The following GAREM1 variants were observed in gnomAD, a reference collection of about 807,000 sequenced individuals.
The protein encoded by GAREM1 is GRB2 associated regulator of MAPK1 subtype 1, also known as GRB2-associated and regulator of MAPK protein 1.
GAREM1 carries 26 observed loss-of-function variants against 71.3 expected under a neutral mutation model. The ratio of observed to expected loss-of-function variants is 0.36; its 90% confidence interval spans 0.27 to 0.51. GAREM1 has a LOEUF of 0.51. Among genes scored for constraint, GAREM1 ranks in the 20% least tolerant of loss-of-function variants. The probability of loss-of-function intolerance (pLI) is 0.95; values close to 1 mark genes in which losing one functional copy is unlikely to be tolerated. For synonymous variants in GAREM1, 440 were observed against 433.2 expected (o/e 1.02, Z -0.20); for missense variants, 1,026 against 1,103.1 (o/e 0.93, Z 0.99).
chr18:32,469,611 G>T (rs1008078772), intron 1 of GAREM1, among the ~76,000 whole-genome samples: 2 of 152,210 alleles, frequency 1.3e-5, no homozygotes, highest in Non-Finnish European at 2.9e-5. Context: ...CTGGTGGTCA[G>T]TTTCAGGAAA....
chr18:32,374,883 C>T (rs2048017827), intron 2 of GAREM1, among the ~76,000 whole-genome samples: 1 of 152,112 alleles, frequency 6.6e-6, no homozygotes, highest in African/African-American at 2.4e-5. Context: ...ATCTTATATA[C>T]TGAAGTGCAG....
chr18:32,295,854 T>G (rs1165541589), intron 3 of GAREM1, among the ~76,000 whole-genome samples: 1 of 152,250 alleles, frequency 6.6e-6, no homozygotes, highest in Non-Finnish European at 1.5e-5. Context: ...TTTAACAAGA[T>G]CTCAACCTAA....
intron 1 of GAREM1, among the ~76,000 whole-genome samples, chr18:32,426,934 TAC>T (rs1310745616): frequency 6.6e-6 from 1 of 152,232 alleles, no homozygotes; most frequent in Non-Finnish European, 1.5e-5. Flanking sequence ...CTCCATATAA[TAC>T]ACTTTCCCTC....
chr18:32,268,220 T>A lies in GAREM1; in HGVS notation c.2282A>T (p.Asp761Val). The change falls in exon 6 of 6, where the codon GAT (aspartate) becomes GTT (valine). Residue 761 changes from aspartate (D) to valine (V), a missense_variant. Asp to Val is a radical substitution (Grantham distance 152, BLOSUM62 -3). This residue lies in a region of GAREM1 where 636 missense variants were observed against 631.2 expected (regional missense o/e 1.01). Transcript: ENST00000269209. Reference protein sequence around the residue: ...AEEDPKSGSPDLSEDQYFVKK... With the variant: ...AEEDPKSGSPVLSEDQYFVKK... ...AACAAAATACTGGTCCTCCGAGAGA[T>A]CTGGTGACCCAGACTTGGGGTCTTC... The A allele has an allele frequency of 6.2e-7, 1 of 1,613,938 alleles. No individual in the cohort carries two copies. Among genetic ancestry groups the A allele is most frequent in the Non-Finnish European group, 8.5e-7 (1 of 1,179,982 alleles).
chr18:32,457,875 G>A (rs1256834878), intron 1 of GAREM1, among the ~76,000 whole-genome samples: 3 of 152,026 alleles, frequency 2.0e-5, no homozygotes, highest in African/African-American at 7.2e-5. Flanking sequence ...ATCAACCCCT[G>A]GATCTATGTC....
intron 1 of GAREM1, among the ~76,000 whole-genome samples, chr18:32,419,709 T>C (rs1318974310): frequency 6.6e-6 from 1 of 152,160 alleles, no homozygotes; most frequent in Non-Finnish European, 1.5e-5. Context: ...CCCTTTGCCA[T>C]ACACATAATC....
chr18:32,370,944 C>T (rs569187979), intron 2 of GAREM1, among the ~76,000 whole-genome samples: 36 of 152,126 alleles, frequency 2.4e-4, no homozygotes, highest in Non-Finnish European at 4.4e-4. Flanking sequence ...GATCCTCTGA[C>T]AGGCACTAGA....
At chr18:32,356,841 G>T (rs751438570) in intron 2 of GAREM1, among the ~76,000 whole-genome samples, 160 of 152,256 alleles carry the variant, frequency 1.1e-3, no homozygotes, top group Non-Finnish European at 1.9e-3. Context: ...CCATCATTAT[G>T]ATGATATTTG....
intron 2 of GAREM1, among the ~76,000 whole-genome samples, chr18:32,315,864 C>A (rs567157768): frequency 6.8e-4 from 104 of 152,198 alleles, no homozygotes; most frequent in Middle Eastern, 6.8e-3. Flanking sequence ...GCCTTGTTTG[C>A]CATGATTGCT....
At chr18:32,342,360 C>T (rs925286744) in intron 2 of GAREM1, among the ~76,000 whole-genome samples, 2 of 152,188 alleles carry the variant, frequency 1.3e-5, no homozygotes, top group Non-Finnish European at 2.9e-5. Context: ...CACGCTGCTG[C>T]TGGACACTCA....
intron 1 of GAREM1, among the ~76,000 whole-genome samples, chr18:32,431,993 T>C (rs981152651): frequency 6.6e-6 from 1 of 152,134 alleles, no homozygotes; most frequent in Non-Finnish European, 1.5e-5. Context: ...GAAATAGACA[T>C]TCTCAGGTGA....
intron 1 of GAREM1, among the ~76,000 whole-genome samples, chr18:32,414,144 G>C (rs1348927103): frequency 1.3e-5 from 2 of 152,112 alleles, no homozygotes; most frequent in African/African-American, 4.8e-5. Context: ...TATTTGCAAA[G>C]TTTAAATTAC....
chr18:32,393,821 T>C (rs2048226071), intron 1 of GAREM1, among the ~76,000 whole-genome samples: 1 of 152,238 alleles, frequency 6.6e-6, no homozygotes, highest in African/African-American at 2.4e-5. Context: ...AAGATGTTTT[T>C]CTAGATGCTG....
chr18:32,404,783 C>G (rs113714317), intron 1 of GAREM1, among the ~76,000 whole-genome samples: 107 of 152,240 alleles, frequency 7.0e-4, no homozygotes, highest in African/African-American at 2.3e-3. Flanking sequence ...TGTGGTAAAG[C>G]CTTGTCTATA....
At chr18:32,310,895 C>T (rs895873362) in intron 2 of GAREM1, among the ~76,000 whole-genome samples, 1 of 152,080 alleles carries the variant, frequency 6.6e-6, no homozygotes, top group African/African-American at 2.4e-5. Flanking sequence ...ATGTGTGATG[C>T]TGCTGAGGCA....
chr18:32,451,775 T>G (rs2048842924), intron 1 of GAREM1, among the ~76,000 whole-genome samples: 2 of 152,142 alleles, frequency 1.3e-5, no homozygotes, highest in South Asian at 4.1e-4. Context: ...TTTACAGCCC[T>G]TCAGCACTTC....
At chr18:32,450,520 A>C (rs1429901675) in intron 1 of GAREM1, among the ~76,000 whole-genome samples, 1 of 152,178 alleles carries the variant, frequency 6.6e-6, no homozygotes, top group Non-Finnish European at 1.5e-5. Context: ...TCTCTTGATC[A>C]ATGTGATTCA....
At chr18:32,437,168 G>C (rs1024338222) in intron 1 of GAREM1, among the ~76,000 whole-genome samples, 1 of 152,176 alleles carries the variant, frequency 6.6e-6, no homozygotes, top group African/African-American at 2.4e-5. Context: ...GTGTTATAAT[G>C]AAAATAGCAC....
At chr18:32,363,989 T>TAA in intron 2 of GAREM1, among the ~76,000 whole-genome samples, 1 of 48,230 alleles carries the variant, frequency 2.1e-5, no homozygotes, top group African/African-American at 1.0e-4. Flanking sequence ...CATAAATACA[T>TAA]ATATACATAT....
Sources: allele counts gnomAD v4.1 joint callset (sites outside exome capture counted in the v4.1 genomes callset), GRCh38; gene constraint gnomAD v4.1.1; regional missense constraint gnomAD v4.1.1; transcripts MANE v1.5; gene names NCBI Gene and HGNC (gene_info 2026-07-23, HGNC 2026-07-21).